ZNF804B: variants seen among roughly 807,000 people sequenced by gnomAD.
ZNF804B encodes the protein zinc finger 804B.
A neutral mutation model predicts 101.4 loss-of-function variants in ZNF804B; 80 were observed. That is an observed-to-expected ratio of 0.79 (90% CI 0.66 to 0.95). The LOEUF (loss-of-function observed/expected upper bound fraction) is 0.95, where lower values mean the gene tolerates loss of function less well. Among genes scored for constraint, ZNF804B ranks in the 40% least tolerant of loss-of-function variants. The pLI is 0.00. For missense variants in ZNF804B, 1,673 were observed against 1,561.9 expected (o/e 1.07, Z -1.20); for synonymous variants, 622 against 558.8 (o/e 1.11, Z -1.59).
chr7:89,080,152 A>G (rs1038688027), intron 1 of ZNF804B, among the ~76,000 whole-genome samples: 5 of 151,960 alleles, frequency 3.3e-5, no homozygotes, highest in Non-Finnish European at 5.9e-5. Flanking sequence ...GGACCAGGGC[A>G]GTGGTGGTGG....
chr7:89,243,990 A>AACAC, intron 2 of ZNF804B, among the ~76,000 whole-genome samples: 1 of 152,000 alleles, frequency 6.6e-6, no homozygotes, highest in Non-Finnish European at 1.5e-5. Flanking sequence ...TCCATTATAT[A>AACAC]ATAACATGAG....
intron 1 of ZNF804B, among the ~76,000 whole-genome samples, chr7:88,830,277 A>G (rs941069553): frequency 6.6e-6 from 1 of 152,158 alleles, no homozygotes; most frequent in African/African-American, 2.4e-5. Context: ...AAAGCAGTCC[A>G]TAACAAAAAT....
chr7:89,054,960 T>G (rs1789268011), intron 1 of ZNF804B, among the ~76,000 whole-genome samples: 1 of 152,072 alleles, frequency 6.6e-6, no homozygotes, highest in South Asian at 2.1e-4. Context: ...CATGTAGTCA[T>G]TACCTTCTAC....
chr7:88,767,960 T>C (rs1194968012), intron 1 of ZNF804B, among the ~76,000 whole-genome samples: 1 of 152,254 alleles, frequency 6.6e-6, no homozygotes, highest in African/African-American at 2.4e-5. Flanking sequence ...ACAGGTCAAG[T>C]GCATCTCTTA....
intron 2 of ZNF804B, among the ~76,000 whole-genome samples, chr7:89,259,610 A>G (rs1445363512): frequency 6.6e-6 from 1 of 151,964 alleles, no homozygotes; most frequent in African/African-American, 2.4e-5. Context: ...CGTCCTAATG[A>G]CCCCCTGATT....
At chr7:88,892,795 A>G (rs1792232930) in intron 1 of ZNF804B, among the ~76,000 whole-genome samples, 2 of 152,140 alleles carry the variant, frequency 1.3e-5, no homozygotes, top group Non-Finnish European at 2.9e-5. Context: ...CATTAGTGGG[A>G]ACACTAATTT....
intron 2 of ZNF804B, among the ~76,000 whole-genome samples, chr7:89,325,761 G>C (rs1009949275): frequency 1.5e-4 from 23 of 151,636 alleles, no homozygotes; most frequent in Non-Finnish European, 2.9e-4. Context: ...AGTATAATAT[G>C]GGGTATTTAT....
intron 2 of ZNF804B, among the ~76,000 whole-genome samples, chr7:89,283,962 G>C (rs1419697247): frequency 6.6e-6 from 1 of 152,034 alleles, no homozygotes. Context: ...TGTCATAAAT[G>C]CATAAAATAC....
At chr7:88,906,249 T>G (rs1471854542) in intron 1 of ZNF804B, among the ~76,000 whole-genome samples, 1 of 152,142 alleles carries the variant, frequency 6.6e-6, no homozygotes, top group African/African-American at 2.4e-5. Context: ...AATTTTTACA[T>G]CTCAATTTTG....
intron 2 of ZNF804B, among the ~76,000 whole-genome samples, chr7:89,274,228 T>C (rs984455465): frequency 3.4e-5 from 5 of 147,364 alleles, no homozygotes; most frequent in Non-Finnish European, 7.5e-5. Context: ...GTTACATATG[T>C]ATACATGTGC....
rs570407577 is a variant in ZNF804B, at chr7:88,838,919, TAA to T, written c.108+78837_108+78838del. Among the ~76,000 whole-genome samples the T allele has an allele frequency of 2.3e-4, 35 of 152,116 alleles. No homozygotes were observed. The East Asian group carries it at 6.4e-3, about 28-fold the overall frequency. On this transcript the variant is annotated intron_variant, in intron 1 of 3. Coordinates refer to ENST00000333190, the MANE Select transcript of ZNF804B (RefSeq NM_181646.5). ...TGGTCACGAATGTAACCTCCATAAA[TAA>T]AGTCTTTTAAGTAGAATGATAACTT...
At chr7:89,194,849 G>A (rs1788521026) in intron 1 of ZNF804B, among the ~76,000 whole-genome samples, 1 of 151,946 alleles carries the variant, frequency 6.6e-6, no homozygotes, top group African/African-American at 2.4e-5. Context: ...ATTCTGTGAA[G>A]AAAGTCATTG....
At chr7:88,999,712 T>C (rs1270857043) in intron 1 of ZNF804B, among the ~76,000 whole-genome samples, 1 of 152,016 alleles carries the variant, frequency 6.6e-6, no homozygotes, top group East Asian at 1.9e-4. Flanking sequence ...ATTTTTTCAT[T>C]TTACAAGAAG....
At chr7:89,019,306 A>G (rs1031946891) in intron 1 of ZNF804B, among the ~76,000 whole-genome samples, 1 of 151,990 alleles carries the variant, frequency 6.6e-6, no homozygotes, top group Non-Finnish European at 1.5e-5. Context: ...TCCTCTTGGT[A>G]TAGATTTTTA....
intron 1 of ZNF804B, among the ~76,000 whole-genome samples, chr7:89,072,975 G>C (rs532888322): frequency 6.6e-6 from 1 of 152,098 alleles, no homozygotes; most frequent in South Asian, 2.1e-4. Flanking sequence ...ATTCAATTAG[G>C]ACATAGTTAC....
chr7:89,081,340 A>G (rs571201472), intron 1 of ZNF804B, among the ~76,000 whole-genome samples: 6 of 151,988 alleles, frequency 3.9e-5, no homozygotes, highest in Non-Finnish European at 7.4e-5. Flanking sequence ...GGATCTCTCC[A>G]ATTAGATATA....
intron 2 of ZNF804B, among the ~76,000 whole-genome samples, chr7:89,302,840 C>T (rs866463371): frequency 1.3e-5 from 2 of 151,870 alleles, no homozygotes; most frequent in Non-Finnish European, 2.9e-5. Context: ...TAGGTCAGTG[C>T]CTAACACAGA....
chr7:89,246,580 CCA>C (rs1789450830), intron 2 of ZNF804B, among the ~76,000 whole-genome samples: 1 of 151,902 alleles, frequency 6.6e-6, no homozygotes, highest in African/African-American at 2.4e-5. Context: ...TGTTTTATAC[CCA>C]GTGAGATCTC....
intron 1 of ZNF804B, among the ~76,000 whole-genome samples, chr7:88,874,243 G>GA (rs1791886852): frequency 6.6e-6 from 1 of 152,068 alleles, no homozygotes; most frequent in Non-Finnish European, 1.5e-5. Flanking sequence ...TTGTGAATGG[G>GA]AGTTCACTCA....
Sources: allele counts gnomAD v4.1 joint callset (sites outside exome capture counted in the v4.1 genomes callset), GRCh38; gene constraint gnomAD v4.1.1; transcripts MANE v1.5; gene names NCBI Gene and HGNC (gene_info 2026-07-23, HGNC 2026-07-21).